NRG1: variants seen among roughly 807,000 people sequenced by gnomAD.
The protein encoded by NRG1 is pro-neuregulin-1, membrane-bound isoform.
Under a neutral mutation model 63.8 loss-of-function variants are expected in NRG1, and 18 were observed. The observed-to-expected ratio is 0.28, with a 90% CI of 0.19 to 0.42. The LOEUF (loss-of-function observed/expected upper bound fraction) is 0.42. Among genes scored for constraint, NRG1 ranks in the 10% least tolerant of loss-of-function variants. The probability of loss-of-function intolerance (pLI) is 1.00; values close to 1 mark genes in which losing one functional copy is unlikely to be tolerated. For synonymous variants in NRG1, 302 were observed against 301.3 expected, an observed-to-expected ratio of 1.00 and a Z score of -0.02; for missense variants, 762 against 814.7, an observed-to-expected ratio of 0.94 and a Z score of 0.79.
At chr8:32,507,039 G>GA (rs1250887787) in intron 1 of NRG1, among the ~76,000 whole-genome samples, 1 of 152,050 alleles carries the variant, frequency 6.6e-6, no homozygotes, top group Non-Finnish European at 1.5e-5. Flanking sequence ...CTTTAGGGTT[G>GA]AAAAAAACCT....
chr8:32,464,170 A>C (rs1822750410), intron 1 of NRG1, among the ~76,000 whole-genome samples: 1 of 151,884 alleles, frequency 6.6e-6, no homozygotes, highest in Non-Finnish European at 1.5e-5. Flanking sequence ...CTGGGATTAC[A>C]GGCGTGAGCC....
chr8:31,958,366 A>G (rs1488132970), intron 1 of NRG1, among the ~76,000 whole-genome samples: 1 of 152,196 alleles, frequency 6.6e-6, no homozygotes, highest in Non-Finnish European at 1.5e-5. Flanking sequence ...GGCCTTCTGC[A>G]ACTTAAAGGG....
chr8:32,056,880 A>G (rs1444517383), intron 1 of NRG1, among the ~76,000 whole-genome samples: 2 of 152,204 alleles, frequency 1.3e-5, no homozygotes, highest in Non-Finnish European at 1.5e-5. Flanking sequence ...TCTTTTGGAG[A>G]TGGCAAAGAG....
intron 1 of NRG1, among the ~76,000 whole-genome samples, chr8:32,013,491 T>C (rs1274533967): frequency 1.3e-5 from 2 of 151,934 alleles, no homozygotes; most frequent in Non-Finnish European, 2.9e-5. Context: ...CTAAATAAAA[T>C]ACAAAGGTGA....
intron 5 of NRG1, chr8:32,647,198 C>G: frequency 1.0e-6 from 1 of 985,392 alleles, no homozygotes; most frequent in Non-Finnish European, 1.2e-6. Flanking sequence ...GTTAACACAA[C>G]AGGATGCTGT....
At chr8:31,927,739 C>G (rs1222997953) in intron 1 of NRG1, among the ~76,000 whole-genome samples, 1 of 150,674 alleles carries the variant, frequency 6.6e-6, no homozygotes, top group South Asian at 2.1e-4. Flanking sequence ...TGAGCCACCG[C>G]GCCCGGCCTA....
At chr8:31,874,806 T>A (rs1829778361) in intron 1 of NRG1, among the ~76,000 whole-genome samples, 1 of 151,946 alleles carries the variant, frequency 6.6e-6, no homozygotes, top group Admixed American at 6.6e-5. Flanking sequence ...TTCCATGTCT[T>A]TTAAAGTGTC....
intron 1 of NRG1, among the ~76,000 whole-genome samples, chr8:32,113,772 G>A (rs1313707766): frequency 3.3e-5 from 5 of 152,186 alleles, no homozygotes; most frequent in Admixed American, 2.6e-4. Context: ...ACTTAGAGCA[G>A]AATAAGAAAA....
chr8:32,764,072 C>T (rs576124928), exon 12 of NRG1: 48 of 1,614,038 alleles, frequency 3.0e-5, no homozygotes, highest in Admixed American at 2.0e-4. Context: ...CCCAAGAGTA[C>T]GAGCCAGCCC....
intron 1 of NRG1, among the ~76,000 whole-genome samples, chr8:32,315,552 G>A (rs142750157): frequency 4.6e-5 from 7 of 152,258 alleles, no homozygotes; most frequent in East Asian, 1.9e-4. Flanking sequence ...CACACTCACC[G>A]AACTTTGCTT....
At chr8:32,403,119 T>C (rs1261580863) in intron 1 of NRG1, among the ~76,000 whole-genome samples, 2 of 151,534 alleles carry the variant, frequency 1.3e-5, no homozygotes, top group Non-Finnish European at 2.9e-5. Flanking sequence ...GGCAAGATGG[T>C]GAAACGCCGT....
chr8:31,830,724 G>A (rs1825061880), intron 1 of NRG1, among the ~76,000 whole-genome samples: 1 of 151,904 alleles, frequency 6.6e-6, no homozygotes, highest in African/African-American at 2.4e-5. Flanking sequence ...GATTATACCT[G>A]TTGGTATACC....
rs917553566 is a variant in NRG1, at chr8:32,742,511, A to G, written c.633-164A>G. Among the ~76,000 whole-genome samples the G allele has an allele frequency of 2.0e-5, 3 of 152,210 alleles. No homozygotes were observed. The highest frequency in any genetic ancestry group is 4.4e-5 in the Non-Finnish European group (3 of 68,032). On this transcript the variant is annotated intron_variant, in intron 6 of 11. Coordinates refer to ENST00000356819, the Ensembl canonical transcript of NRG1. The surrounding 1 kb of genome is among the most constrained non-coding windows in gnomAD (Gnocchi z 4.2). ...TCCAAATTTTTAACCATTTGGGGGAAGTGCCAGAGCCTGAAAGCCATGATC... is the reference window on the plus strand; with the variant it reads ...TCCAAATTTTTAACCATTTGGGGGAGGTGCCAGAGCCTGAAAGCCATGATC...
intron 1 of NRG1, among the ~76,000 whole-genome samples, chr8:32,368,175 A>T (rs1320285989): frequency 6.6e-6 from 1 of 152,208 alleles, no homozygotes; most frequent in Non-Finnish European, 1.5e-5. Flanking sequence ...CAAAGAAAAA[A>T]GTGCAAAAGT....
At chr8:32,537,088 C>T (rs1304316311) in intron 1 of NRG1, among the ~76,000 whole-genome samples, 1 of 145,632 alleles carries the variant, frequency 6.9e-6, no homozygotes, top group Non-Finnish European at 1.5e-5. Context: ...GCCAGCTACT[C>T]GGGAGGCTGA....
intron 1 of NRG1, among the ~76,000 whole-genome samples, chr8:32,304,712 G>A (rs1216519830): frequency 1.3e-5 from 2 of 152,130 alleles, no homozygotes; most frequent in East Asian, 1.9e-4. Flanking sequence ...GGAGAAGCTA[G>A]TCTTTAAAAG....
chr8:32,196,359 C>T (rs948213873), intron 1 of NRG1, among the ~76,000 whole-genome samples: 3 of 152,122 alleles, frequency 2.0e-5, no homozygotes, highest in Non-Finnish European at 2.9e-5. Flanking sequence ...AGAGCGGAAG[C>T]ATGAGGGCTG....
intron 1 of NRG1, among the ~76,000 whole-genome samples, chr8:32,271,414 G>A (rs1851529465): frequency 6.6e-6 from 1 of 152,176 alleles, no homozygotes; most frequent in Non-Finnish European, 1.5e-5. Context: ...CATAGAAGAG[G>A]AGAAGAGACT....
chr8:31,697,235 T>G (rs549408320), intron 1 of NRG1, among the ~76,000 whole-genome samples: 29 of 152,296 alleles, frequency 1.9e-4, no homozygotes, highest in African/African-American at 7.0e-4. Flanking sequence ...GCAAATTGAA[T>G]CATTGGAGAC....
Sources: allele counts gnomAD v4.1 joint callset (sites outside exome capture counted in the v4.1 genomes callset), GRCh38; gene constraint gnomAD v4.1.1; non-coding constraint Gnocchi (gnomAD v3.1); transcripts MANE v1.5; gene names NCBI Gene and HGNC (gene_info 2026-07-23, HGNC 2026-07-21).